Variants in ZBTB20 observed in about 807,000 individuals in gnomAD.
ZBTB20 encodes the protein zinc finger and BTB domain containing 20.
In ZBTB20, 9 loss-of-function variants were observed where a neutral mutation model predicts 56.9. That is an observed-to-expected ratio of 0.16 (90% CI 0.10 to 0.28). ZBTB20 has a LOEUF of 0.28. Among genes scored for constraint, ZBTB20 ranks in the 10% least tolerant of loss-of-function variants. The pLI is 1.00. For synonymous variants in ZBTB20, 417 were observed against 420.7 expected (o/e 0.99, Z 0.11); for missense variants, 655 against 1,003.0 (o/e 0.65, Z 4.69).
At chr3:114,509,591 C>T (rs531492007) in intron 6 of ZBTB20, among the ~76,000 whole-genome samples, 3 of 152,132 alleles carry the variant, frequency 2.0e-5, no homozygotes, top group Admixed American at 6.6e-5. Context: ...ACACATCATA[C>T]GTGCACACAC....
intron 7 of ZBTB20, among the ~76,000 whole-genome samples, chr3:114,497,471 A>C (rs535776176): frequency 6.6e-6 from 1 of 152,074 alleles, no homozygotes; most frequent in Non-Finnish European, 1.5e-5. Context: ...CTGCTACTTA[A>C]CGCCTCCTGA....
At chr3:114,696,683 G>A in intron 5 of ZBTB20, among the ~76,000 whole-genome samples, 1 of 152,036 alleles carries the variant, frequency 6.6e-6, no homozygotes, top group East Asian at 1.9e-4. Flanking sequence ...CAACAGGGAT[G>A]AAGGACTTAT....
At chr3:114,926,153 T>C (rs193295774) in intron 3 of ZBTB20, among the ~76,000 whole-genome samples, 222 of 152,312 alleles carry the variant, frequency 1.5e-3, no homozygotes, top group African/African-American at 5.1e-3. Context: ...CCAGAGTTCC[T>C]ACAGCCTACA....
rs1019157691 is a variant in ZBTB20, at chr3:114,328,740, TAAAG to T, written c.*10261_*10264del. On this transcript the variant is annotated 3_prime_UTR_variant, in exon 12 of 12. Coordinates refer to ENST00000675478, the MANE Select transcript of ZBTB20 (RefSeq NM_001348800.3). ...TAGTGTTCTTTCATTAAATAAAACTTAAAGAAGGATGTTCAGAATGGGGTGGAGA... is the reference window on the plus strand; with the variant it reads ...TAGTGTTCTTTCATTAAATAAAACTTAAGGATGTTCAGAATGGGGTGGAGA... The T allele has an allele frequency of 1.3e-5, 2 of 152,120 alleles. No homozygotes were observed. Among genetic ancestry groups the T allele is most frequent in the African/African-American group, 4.8e-5 (2 of 41,436 alleles). 9.4% of individuals were successfully genotyped at this position (152,120 alleles called of 1,614,324 possible).
chr3:115,003,822 A>T (rs1002320367), intron 2 of ZBTB20, among the ~76,000 whole-genome samples: 7 of 151,688 alleles, frequency 4.6e-5, no homozygotes, highest in African/African-American at 1.7e-4. Flanking sequence ...TACTGTGAAC[A>T]ATCAGGTGGT....
At chr3:114,991,737 C>T (rs1401049456) in intron 2 of ZBTB20, among the ~76,000 whole-genome samples, 2 of 152,086 alleles carry the variant, frequency 1.3e-5, no homozygotes, top group Non-Finnish European at 2.9e-5. Flanking sequence ...ATGTGGGAGT[C>T]TAAGTCTCTT....
chr3:114,590,481 AATTT>A (rs1162624222), intron 6 of ZBTB20, among the ~76,000 whole-genome samples: 2 of 148,078 alleles, frequency 1.4e-5, no homozygotes, highest in Non-Finnish European at 3.0e-5. Flanking sequence ...TAAATAAATA[AATTT>A]ATTTATTAAT....
chr3:114,881,695 T>C (rs1170221613), intron 4 of ZBTB20, among the ~76,000 whole-genome samples: 2 of 151,912 alleles, frequency 1.3e-5, no homozygotes, highest in African/African-American at 2.4e-5. Context: ...TTTCTTGGTC[T>C]AATATGCTTT....
intron 5 of ZBTB20, among the ~76,000 whole-genome samples, chr3:114,707,811 G>A (rs750293161): frequency 2.6e-5 from 4 of 152,182 alleles, no homozygotes; most frequent in Non-Finnish European, 4.4e-5. Flanking sequence ...CAGATATCAT[G>A]ACTGATGCAC....
intron 1 of ZBTB20, among the ~76,000 whole-genome samples, chr3:115,083,131 T>C (rs1326640457): frequency 6.6e-6 from 1 of 152,102 alleles, no homozygotes; most frequent in Non-Finnish European, 1.5e-5. Flanking sequence ...CTTATCTCTT[T>C]GCTTCACAAT....
At chr3:114,509,827 T>C (rs1484519914) in intron 6 of ZBTB20, among the ~76,000 whole-genome samples, 1 of 152,160 alleles carries the variant, frequency 6.6e-6, no homozygotes, top group Non-Finnish European at 1.5e-5. Flanking sequence ...CACAATATCT[T>C]TCTGCCCTAG....
At chr3:114,766,602 C>T (rs1180353601) in intron 5 of ZBTB20, among the ~76,000 whole-genome samples, 1 of 150,796 alleles carries the variant, frequency 6.6e-6, no homozygotes. Context: ...TAGCGTTATA[C>T]AATGTGTTCC....
chr3:114,361,870 G>A (rs568672559), intron 10 of ZBTB20, among the ~76,000 whole-genome samples: 211 of 152,282 alleles, frequency 1.4e-3, no homozygotes, highest in African/African-American at 4.9e-3. Context: ...CTGGGGGCTG[G>A]GCCAATGGTC....
intron 6 of ZBTB20, among the ~76,000 whole-genome samples, chr3:114,509,264 C>G (rs1466104131): frequency 6.6e-6 from 1 of 152,084 alleles, no homozygotes; most frequent in Non-Finnish European, 1.5e-5. Flanking sequence ...CTCCATCTCC[C>G]CAACCACAAC....
intron 1 of ZBTB20, among the ~76,000 whole-genome samples, chr3:115,124,411 A>G (rs532026714): frequency 6.6e-6 from 1 of 152,346 alleles, no homozygotes; most frequent in South Asian, 2.1e-4. Context: ...AATGCTTTAA[A>G]TAAACCTAAA....
At chr3:114,529,116 A>T (rs1011248049) in intron 6 of ZBTB20, 47 of 152,346 alleles carry the variant, frequency 3.1e-4, no homozygotes, top group African/African-American at 1.1e-3. Context: ...CCTCTTGAGC[A>T]CATAGCTAAG....
At chr3:114,418,923 A>C (rs1053145429) in intron 7 of ZBTB20, 7 of 152,190 alleles carry the variant, frequency 4.6e-5, no homozygotes, top group African/African-American at 1.7e-4. Flanking sequence ...GATTAACCAG[A>C]TCTAACAAGC....
At chr3:114,567,722 C>T (rs544933642) in intron 6 of ZBTB20, among the ~76,000 whole-genome samples, 19 of 152,244 alleles carry the variant, frequency 1.2e-4, no homozygotes, top group Non-Finnish European at 2.4e-4. Flanking sequence ...CTAGTTTCTC[C>T]GTATCCCTCC....
chr3:114,665,235 ATACT>A (rs2060981062), intron 6 of ZBTB20, among the ~76,000 whole-genome samples: 2 of 152,044 alleles, frequency 1.3e-5, no homozygotes, highest in Admixed American at 6.6e-5. Context: ...ACATATGTAA[ATACT>A]TACCATCTAC....
Sources: allele counts gnomAD v4.1 joint callset (sites outside exome capture counted in the v4.1 genomes callset), GRCh38; gene constraint gnomAD v4.1.1; transcripts MANE v1.5; gene names NCBI Gene and HGNC (gene_info 2026-07-23, HGNC 2026-07-21).